The following SPAM1 variants were observed in gnomAD, a reference collection of about 807,000 sequenced individuals.
The protein encoded by SPAM1 is sperm adhesion molecule 1.
A neutral mutation model predicts 29.6 loss-of-function variants in SPAM1; 22 were observed. That is an observed-to-expected ratio of 0.74 (90% confidence interval 0.53 to 1.06). The LOEUF is 1.06. Among genes scored for constraint, SPAM1 ranks in the 50% least tolerant of loss-of-function variants. The pLI is 0.00. For missense variants in SPAM1, 534 were observed against 604.0 expected (o/e 0.88, Z 1.21); for synonymous variants, 194 against 204.6 (o/e 0.95, Z 0.44).
At chr7:123,938,321 T>A (rs922039663) in intron 1 of SPAM1, among the ~76,000 whole-genome samples, 1 of 152,138 alleles carries the variant, frequency 6.6e-6, no homozygotes, top group Non-Finnish European at 1.5e-5. Context: ...TTTAGGAAGA[T>A]AAATAATAAG....
At chr7:123,927,115 T>C (rs570745399) in intron 1 of SPAM1, among the ~76,000 whole-genome samples, 1 of 152,194 alleles carries the variant, frequency 6.6e-6, no homozygotes, top group South Asian at 2.1e-4. Context: ...TAAGCCACAA[T>C]ATGTAGGGTC....
Position 123,954,432 on chromosome 7 carries a change from G to T in SPAM1, c.862G>T (p.Val288Phe), listed in dbSNP as rs773877910. 6.2e-7 allele frequency: 1 copy of T among 1,613,380 alleles called. No homozygotes were observed. Among genetic ancestry groups the T allele is most frequent in the Non-Finnish European group, 8.5e-7 (1 of 1,179,624 alleles). The change falls in exon 3 of 5, where the codon GTT becomes TTT. Residue 288 changes from valine to phenylalanine, a missense_variant. Val to Phe is a conservative substitution (Grantham distance 50). Coordinates refer to ENST00000682466, the MANE Select transcript of SPAM1 (RefSeq NM_153189.3). ...VRNRVREAIR[V>F]SKIPDAKSPL... ...CAATCGAGTTCGGGAAGCCATCAGA[G>T]TTTCCAAAATACCTGATGCAAAAAG... is the stretch of plus-strand genomic sequence containing the variant.
At chr7:123,944,436 C>T (rs1277867642) in intron 1 of SPAM1, among the ~76,000 whole-genome samples, 3 of 152,026 alleles carry the variant, frequency 2.0e-5, no homozygotes, top group Non-Finnish European at 2.9e-5. Flanking sequence ...CCTAAGCAAA[C>T]CCAAACTTAG....
chr7:123,956,206 C>T (rs73226201), intron 4 of SPAM1, among the ~76,000 whole-genome samples: 3,644 of 152,002 alleles, frequency 0.024, 49 homozygotes, highest in Middle Eastern at 0.078. Flanking sequence ...ATTATCCATA[C>T]CAGAGACAGT....
intron 1 of SPAM1, among the ~76,000 whole-genome samples, chr7:123,933,052 A>AT (rs545387698): frequency 6.2e-4 from 92 of 147,786 alleles, no homozygotes; most frequent in African/African-American, 1.4e-3. Context: ...TATTTATTTT[A>AT]TTTTTTTTTT....
At chr7:123,970,610 T>TAA (rs58772221) in intron 6 of SPAM1, among the ~76,000 whole-genome samples, 4,698 of 148,332 alleles carry the variant, frequency 0.032, 185 homozygotes, top group African/African-American at 0.095. Flanking sequence ...ATAATAATAA[T>TAA]TATTATTATT....
At chr7:123,929,487 CACTA>C (rs976546641) in intron 1 of SPAM1, among the ~76,000 whole-genome samples, 2 of 152,058 alleles carry the variant, frequency 1.3e-5, no homozygotes, top group African/African-American at 2.4e-5. Flanking sequence ...TGTATATTGT[CACTA>C]ACTTTTCTAA....
Position 123,953,853 on chromosome 7 carries a change from A to G in SPAM1, c.283A>G (p.Arg95Gly). 1 of 1,613,720 alleles carries G rather than the reference A, an allele frequency of 6.2e-7. No individual in the cohort carries two copies. The highest frequency in any genetic ancestry group is 8.5e-7 in the Non-Finnish European group (1 of 1,179,786). Residue 95 changes from arginine (R) to glycine (G), a missense_variant, in exon 3 of 5, where the codon AGA (arginine) becomes GGA (glycine). Coordinates refer to ENST00000682466, the MANE Select transcript of SPAM1 (RefSeq NM_153189.3). ...GQGVTIFYVD[R>G]LGYYPYIDSI... ...AGGTGTTACAATATTTTATGTTGAT[A>G]GACTTGGCTACTATCCTTACATAGA...
intron 6 of SPAM1, among the ~76,000 whole-genome samples, chr7:123,970,646 G>A (rs1317394277): frequency 6.7e-6 from 1 of 149,796 alleles, no homozygotes; most frequent in Non-Finnish European, 1.5e-5. Flanking sequence ...TAGGGTTTAA[G>A]AACTTCAACA....
At chr7:123,971,274 C>T (rs911236502) in exon 7 of SPAM1, 1 of 151,920 alleles carries the variant, frequency 6.6e-6, no homozygotes, top group Non-Finnish European at 1.5e-5. Context: ...GATCAAAATG[C>T]CATTTATAAA....
chr7:123,950,403 C>T (rs1406616846), intron 2 of SPAM1, among the ~76,000 whole-genome samples: 1 of 151,974 alleles, frequency 6.6e-6, no homozygotes, highest in Admixed American at 6.6e-5. Context: ...TTTTTCAATC[C>T]TCATCCCCCT....
rs1468383138 is a variant in SPAM1 at position 123,931,308 on chromosome 7, C to G, written c.-319+5956C>G. The stretch of plus-strand genomic sequence containing the variant: ...TTTTTCCAAAAGTCAGCCATAAAAC[C>G]TAAAAATATTACTCTAACTTTCCCT... On this transcript the variant is annotated intron_variant, in intron 1 of 4. Coordinates refer to ENST00000682466, the MANE Select transcript of SPAM1 (RefSeq NM_153189.3). Among the ~76,000 whole-genome samples the G allele has an allele frequency of 2.6e-5, 4 of 152,212 alleles. No homozygotes were observed. In the East Asian group the frequency reaches 7.7e-4, roughly 29 times the overall value.
At position 123,969,412 on chromosome 7, in the gene SPAM1, T is replaced by C. The variant is rs144279964; in HGVS notation, c.1486-786T>C. On this transcript the variant is annotated intron_variant, in intron 5 of 6. Transcript: ENST00000340011. ...CCTATGTTTTATGCTAGTATTTTTA[T>C]AGTTTGGGGTCTTATGTTTGAGTCT... 1.7e-3 allele frequency among the ~76,000 whole-genome samples: 265 copies of C among 152,196 alleles called. 3 individuals carry two copies. Among genetic ancestry groups the C allele is most frequent in the Non-Finnish European group, 3.1e-3 (212 of 67,976 alleles).
At chr7:123,929,280 C>T (rs980762991) in intron 1 of SPAM1, among the ~76,000 whole-genome samples, 11 of 152,038 alleles carry the variant, frequency 7.2e-5, no homozygotes, top group African/African-American at 2.4e-4. Flanking sequence ...TTTATGAGGC[C>T]CTAAATATCA....
intron 1 of SPAM1, among the ~76,000 whole-genome samples, chr7:123,934,951 TAAC>T: frequency 6.6e-6 from 1 of 152,282 alleles, no homozygotes; most frequent in African/African-American, 2.4e-5. Flanking sequence ...TGACTATAGT[TAAC>T]AATAATTTAT....
chr7:123,942,195 AAG>A (rs1207679698), intron 1 of SPAM1, among the ~76,000 whole-genome samples: 10 of 152,248 alleles, frequency 6.6e-5, no homozygotes, highest in African/African-American at 1.9e-4. Context: ...AATGGGGAAA[AAG>A]AGGAATAGAA....
chr7:123,961,433 T>A (rs952887883), downstream of SPAM1, among the ~76,000 whole-genome samples: 1 of 151,992 alleles, frequency 6.6e-6, no homozygotes, highest in Non-Finnish European at 1.5e-5. Flanking sequence ...CTTTCTGTGC[T>A]TGCCTTATTT....
chr7:123,928,410 A>G (rs529297549), intron 1 of SPAM1, among the ~76,000 whole-genome samples: 11 of 152,274 alleles, frequency 7.2e-5, no homozygotes, highest in African/African-American at 2.6e-4. Flanking sequence ...AAACATCTTT[A>G]TAATTATACT....
intron 4 of SPAM1, among the ~76,000 whole-genome samples, chr7:123,957,338 A>T (rs1198625131): frequency 6.6e-6 from 1 of 152,038 alleles, no homozygotes; most frequent in Non-Finnish European, 1.5e-5. Flanking sequence ...AGGAAAGACC[A>T]TTCCAAGCAG....
Sources: gnomAD v4.1 joint callset for allele counts (sites outside exome capture counted in the v4.1 genomes callset) on GRCh38, gnomAD v4.1.1 for gene constraint, MANE v1.5 for transcripts, NCBI Gene and HGNC (gene_info 2026-07-23, HGNC 2026-07-21) for gene names.